LAMA2: variants seen among roughly 807,000 people sequenced by gnomAD.
LAMA2 encodes laminin subunit alpha 2.
LAMA2 carries 269 observed loss-of-function variants against 364.8 expected under a neutral mutation model. The ratio of observed to expected loss-of-function variants is 0.74; its 90% CI spans 0.67 to 0.82. The LOEUF (loss-of-function observed/expected upper bound fraction) is 0.82, where lower values mean the gene tolerates loss of function less well. Among genes scored for constraint, LAMA2 ranks in the 40% least tolerant of loss-of-function variants. The pLI, the probability that LAMA2 is intolerant of heterozygous loss-of-function variation, is 0.00. For synonymous variants in LAMA2, 1,379 were observed against 1,370.6 expected (o/e 1.01, Z -0.14); for missense variants, 3,807 against 3,873.2 (o/e 0.98, Z 0.45).
At chr6:129,431,146 C>A (rs533699610) in intron 41 of LAMA2, among the ~76,000 whole-genome samples, 4 of 151,968 alleles carry the variant, frequency 2.6e-5, no homozygotes, top group Non-Finnish European at 2.9e-5. Context: ...CACCTGTAAT[C>A]CTAACACTTC....
At chr6:129,349,448 A>T in intron 31 of LAMA2, 64 bp downstream of exon 31, 1 of 1,200,984 alleles carries the variant, frequency 8.3e-7, no homozygotes, top group South Asian at 1.2e-5. Context: ...AAGGGTCACA[A>T]TAGGAAAACA....
At chr6:129,084,577 G>C (rs1324538461) in intron 3 of LAMA2, among the ~76,000 whole-genome samples, 1 of 152,122 alleles carries the variant, frequency 6.6e-6, no homozygotes, top group South Asian at 2.1e-4. Context: ...TATCAGTGAT[G>C]ATATTTGATA....
chr6:129,358,617 T>G (rs953517011), intron 32 of LAMA2, among the ~76,000 whole-genome samples: 1 of 152,040 alleles, frequency 6.6e-6, no homozygotes, highest in African/African-American at 2.4e-5. Context: ...ACAGAAGGTT[T>G]GAAACCTAGC....
At chr6:128,923,957 A>T (rs1778918742) in intron 1 of LAMA2, among the ~76,000 whole-genome samples, 1 of 152,144 alleles carries the variant, frequency 6.6e-6, no homozygotes, top group Non-Finnish European at 1.5e-5. Context: ...CTAGGAAGTC[A>T]TAGTCATGAC....
intron 22 of LAMA2, among the ~76,000 whole-genome samples, chr6:129,304,126 T>C (rs1773716574): frequency 1.3e-5 from 2 of 152,120 alleles, no homozygotes; most frequent in Non-Finnish European, 1.5e-5. Context: ...TCACTATAGA[T>C]CCTATAGACA....
At chr6:128,979,198 T>A (rs1376071790) in intron 1 of LAMA2, among the ~76,000 whole-genome samples, 6 of 152,158 alleles carry the variant, frequency 3.9e-5, no homozygotes, top group Non-Finnish European at 8.8e-5. Flanking sequence ...ACAATATGTA[T>A]GTGTGAGTAG....
intron 56 of LAMA2, among the ~76,000 whole-genome samples, chr6:129,490,453 C>G (rs1784803646): frequency 6.6e-6 from 1 of 152,270 alleles, no homozygotes; most frequent in East Asian, 1.9e-4. Context: ...AACCACACTA[C>G]AGAGAGAGGC....
intron 12 of LAMA2, among the ~76,000 whole-genome samples, chr6:129,212,672 A>C (rs181698392): frequency 1.3e-5 from 2 of 152,334 alleles, no homozygotes; most frequent in Admixed American, 1.3e-4. Context: ...AAATCAAGCC[A>C]CTTGTTTTCA....
intron 1 of LAMA2, among the ~76,000 whole-genome samples, chr6:129,017,017 A>G (rs1297632774): frequency 2.0e-5 from 3 of 151,944 alleles, no homozygotes; most frequent in East Asian, 3.9e-4. Context: ...TATTTTTTAT[A>G]TATGTATCTA....
chr6:129,491,573 C>G (rs1245073226), intron 56 of LAMA2, among the ~76,000 whole-genome samples: 1 of 152,208 alleles, frequency 6.6e-6, no homozygotes, highest in Non-Finnish European at 1.5e-5. Context: ...AACCCTTATA[C>G]GGTTAGACAT....
intron 40 of LAMA2, among the ~76,000 whole-genome samples, chr6:129,416,516 T>TGA (rs1406955140): frequency 6.6e-6 from 1 of 152,170 alleles, no homozygotes; most frequent in African/African-American, 2.4e-5. Context: ...CACAGCATGG[T>TGA]GAGCCATTCC....
At chr6:129,255,511 G>A (rs999553463) in intron 14 of LAMA2, among the ~76,000 whole-genome samples, 5 of 147,988 alleles carry the variant, frequency 3.4e-5, no homozygotes, top group African/African-American at 5.0e-5. Context: ...TTTTACATGA[G>A]TAAGCCTTTG....
chr6:129,481,131 G>A (rs1249900149), intron 54 of LAMA2, 132 bp from the exon 55 acceptor site: 1 of 730,628 alleles, frequency 1.4e-6, no homozygotes, highest in Non-Finnish European at 2.4e-6. Context: ...AACTTTCCAT[G>A]TTTTCCTGCT....
chr6:129,415,257 T>A (rs981050413), intron 40 of LAMA2, among the ~76,000 whole-genome samples: 1 of 152,232 alleles, frequency 6.6e-6, no homozygotes, highest in East Asian at 1.9e-4. Flanking sequence ...CAGAAGTCCC[T>A]TCTCTGAAGA....
Position 129,220,839 on chromosome 6 carries a change from G to A in LAMA2, c.1782+27986G>A, listed in dbSNP as rs529084482. On this transcript the variant is annotated intron_variant, in intron 12 of 64. Transcript: ENST00000421865. ...TTTGTCTGTGCTGTATCTCTTTTCA[G>A]CTGTGAAAACTATTATTACTAAGTA... Among the ~76,000 whole-genome samples the A allele has an allele frequency of 2.0e-5, 3 of 151,032 alleles. No homozygotes were observed. The South Asian group carries it at 6.2e-4, about 31-fold the overall frequency.
chr6:129,362,400 A>C (rs1777516942), intron 32 of LAMA2, among the ~76,000 whole-genome samples: 1 of 151,856 alleles, frequency 6.6e-6, no homozygotes, highest in Non-Finnish European at 1.5e-5. Context: ...GGCCAACCCC[A>C]ACCTCTTCCC....
chr6:129,255,483 A>G (rs946837080), intron 14 of LAMA2, among the ~76,000 whole-genome samples: 1 of 142,244 alleles, frequency 7.0e-6, no homozygotes, highest in African/African-American at 2.6e-5. Flanking sequence ...CCTAACAGTC[A>G]CCCAGGCCTG....
chr6:128,929,873 A>C, intron 1 of LAMA2: 1 of 945,402 alleles, frequency 1.1e-6, no homozygotes. Context: ...CCACGAGTGA[A>C]GATCAGGTGA....
At position 129,514,421 on chromosome 6, in the gene LAMA2, G is replaced by T; in HGVS notation, c.9037G>T (p.Asp3013Tyr). ...TGCGGGCAGATTCACTGCTGTCTAT[G>T]ATGCTGGGGTTCCAGGGCATTTGTG... is the stretch of plus-strand genomic sequence containing the variant. ...NGAGRFTAVYDAGVPGHLCDG... is the reference protein window; with the variant it reads ...NGAGRFTAVYYAGVPGHLCDG... Residue 3013 changes from aspartate (D) to tyrosine (Y), a missense_variant, in exon 64 of 65, where the codon GAT becomes TAT. Asp to Tyr is a radical substitution (Grantham distance 160). Transcript: ENST00000421865. The T allele has an allele frequency of 6.2e-7, 1 of 1,614,034 alleles. No individual in the cohort carries two copies. Among genetic ancestry groups the T allele is most frequent in the African/African-American group, 1.3e-5 (1 of 75,028 alleles).
Sources: gnomAD v4.1 joint callset for allele counts (sites outside exome capture counted in the v4.1 genomes callset) on GRCh38, gnomAD v4.1.1 for gene constraint, MANE v1.5 for transcripts, NCBI Gene and HGNC (gene_info 2026-07-23, HGNC 2026-07-21) for gene names.